Variants in CA5A observed in about 807,000 individuals in gnomAD.
CA5A encodes the protein carbonic anhydrase 5A, mitochondrial.
A neutral mutation model predicts 37.1 loss-of-function variants in CA5A; 28 were observed. That is an observed-to-expected ratio of 0.75 (90% confidence interval 0.56 to 1.03). CA5A has a LOEUF of 1.03. Among genes scored for constraint, CA5A ranks in the 50% least tolerant of loss-of-function variants. The probability of loss-of-function intolerance (pLI) is 0.00; values close to 1 mark genes in which losing one functional copy is unlikely to be tolerated. For missense variants in CA5A, 444 were observed against 399.9 expected, an observed-to-expected ratio of 1.11 and a Z score of -0.94; for synonymous variants, 171 against 158.4, an observed-to-expected ratio of 1.08 and a Z score of -0.60.
chr16:87,893,189 G>A (rs184470093), intron 5 of CA5A: 62 of 420,684 alleles, frequency 1.5e-4, no homozygotes, highest in African/African-American at 1.2e-3. Flanking sequence ...GTGCAGTGGT[G>A]CGATCTCAGC....
downstream of CA5A, chr16:87,883,450 T>A (rs1431502218): frequency 6.7e-6 from 1 of 149,472 alleles, no homozygotes; most frequent in Admixed American, 6.7e-5. Context: ...CCTGCCTCAG[T>A]CTCCCGAGTC....
At chr16:87,899,446 GCACCCGCC>G in intron 5 of CA5A, among the ~76,000 whole-genome samples, 1 of 150,598 alleles carries the variant, frequency 6.6e-6, no homozygotes, top group Non-Finnish European at 1.5e-5. Flanking sequence ...GGGATTACAG[GCACCCGCC>G]ACCACGCCTG....
At chr16:87,917,380 G>A (rs2056161105) in intron 2 of CA5A, among the ~76,000 whole-genome samples, 1 of 152,180 alleles carries the variant, frequency 6.6e-6, no homozygotes, top group Admixed American at 6.5e-5. Flanking sequence ...AGGAACAGTG[G>A]CTCCCCAGTG....
chr16:87,935,680 A>T (rs1270763177), intron 1 of CA5A, among the ~76,000 whole-genome samples: 1 of 151,862 alleles, frequency 6.6e-6, no homozygotes, highest in Non-Finnish European at 1.5e-5. Context: ...GTTCGAGACC[A>T]GCCTGGCCAA....
rs555248928 is a variant in CA5A at position 87,893,125 on chromosome 16, CCTTTCTTT to C, written c.619-1179_619-1172del. 48 of 523,262 alleles carry C rather than the reference CCTTTCTTT, an allele frequency of 9.2e-5. 1 individual carries two copies. The highest frequency in any genetic ancestry group is 4.8e-4 in the South Asian group (15 of 31,104). 32.4% of individuals were successfully genotyped at this position (523,262 alleles called of 1,614,324 possible). On this transcript the variant is annotated intron_variant, in intron 5 of 6. Transcript: ENST00000649794. Reference sequence around the variant, plus strand: ...GCCTAGAGACATTTCTTTCTTTCTTCCTTTCTTTCTTTCTTTCTTTCTTTTTTTTTTCA... The same window carrying C: ...GCCTAGAGACATTTCTTTCTTTCTTCCTTTCTTTCTTTCTTTTTTTTTTCA...
chr16:87,923,853 T>G (rs1236294108), intron 2 of CA5A: 10 of 984,154 alleles, frequency 1.0e-5, no homozygotes, highest in Non-Finnish European at 1.2e-5. Context: ...TGACAACTAT[T>G]GTTCTCAAAA....
rs150179798 is a variant in CA5A, at chr16:87,916,257, G to C, written c.340+10491C>G. ...GCACTTTGGGAGGCTGAGGTGGGTG[G>C]ATAGCTTGAGGTTGGGAGTTCGAGA... On this transcript the variant is annotated intron_variant, in intron 2 of 6. Coordinates refer to ENST00000649794, the MANE Select transcript of CA5A (RefSeq NM_001739.2). 1.1e-3 allele frequency among the ~76,000 whole-genome samples: 163 copies of C among 152,280 alleles called. 1 individual carries two copies. The highest frequency in any genetic ancestry group is 3.7e-3 in the African/African-American group (155 of 41,542).
chr16:87,906,505 T>C (rs2055963880), intron 2 of CA5A, among the ~76,000 whole-genome samples: 1 of 152,092 alleles, frequency 6.6e-6, no homozygotes, highest in Non-Finnish European at 1.5e-5. Flanking sequence ...CGGGTGCCTG[T>C]AATCCCAGCT....
intron 2 of CA5A, among the ~76,000 whole-genome samples, chr16:87,919,470 C>A (rs1264665106): frequency 6.6e-6 from 1 of 152,196 alleles, no homozygotes; most frequent in Non-Finnish European, 1.5e-5. Flanking sequence ...CCACTGGAAG[C>A]CAAGCCACAG....
chr16:87,905,490 C>G (rs2055947378), intron 2 of CA5A, among the ~76,000 whole-genome samples: 1 of 152,152 alleles, frequency 6.6e-6, no homozygotes, highest in Non-Finnish European at 1.5e-5. Context: ...TCCTGAGTAG[C>G]TGGGATTACA....
At chr16:87,885,899 C>G (rs2055644027), downstream of CA5A, 1 of 152,266 alleles carries the variant, frequency 6.6e-6, no homozygotes, top group South Asian at 2.1e-4. Context: ...CTCCTTCCAT[C>G]AGAATGTGAG....
At chr16:87,929,890 A>T (rs1226729790) in intron 1 of CA5A, among the ~76,000 whole-genome samples, 2 of 151,578 alleles carry the variant, frequency 1.3e-5, no homozygotes, top group African/African-American at 4.8e-5. Context: ...AAAAAAAAAA[A>T]AAAAAATAAG....
intron 2 of CA5A, among the ~76,000 whole-genome samples, chr16:87,909,692 C>A (rs1193124199): frequency 6.6e-6 from 1 of 152,208 alleles, no homozygotes; most frequent in South Asian, 2.1e-4. Flanking sequence ...ACACCTTGAG[C>A]CTCTTTCAAG....
intron 1 of CA5A, among the ~76,000 whole-genome samples, chr16:87,931,005 C>G (rs959894526): frequency 6.6e-6 from 1 of 151,794 alleles, no homozygotes; most frequent in African/African-American, 2.4e-5. Context: ...TCCCAAAGTG[C>G]TGGGATTATA....
At chr16:87,899,335 C>G (rs2055845073) in intron 5 of CA5A, among the ~76,000 whole-genome samples, 1 of 123,796 alleles carries the variant, frequency 8.1e-6, no homozygotes, top group African/African-American at 3.2e-5. Flanking sequence ...ATGAGTCTCG[C>G]TGTGTCACTC....
downstream of CA5A, chr16:87,883,276 G>C (rs1385025634): frequency 6.6e-6 from 1 of 151,014 alleles, no homozygotes; most frequent in Non-Finnish European, 1.5e-5. Flanking sequence ...GCCCACCTCA[G>C]CCTTCCAAAG....
At chr16:87,886,690 C>A (rs1397218907), downstream of CA5A, 1 of 152,032 alleles carries the variant, frequency 6.6e-6, no homozygotes, top group Non-Finnish European at 1.5e-5. Flanking sequence ...CATGGATCGA[C>A]TGATGAATTG....
At chr16:87,881,935 G>T (rs1410772195) in exon 5 of CA5A, 1 of 152,190 alleles carries the variant, frequency 6.6e-6, no homozygotes, top group African/African-American at 2.4e-5. Context: ...GGTGCAGAGG[G>T]CCCCCTGTGT....
At chr16:87,882,414 C>A (rs1227074269) in intron 4 of CA5A, 1 of 152,254 alleles carries the variant, frequency 6.6e-6, no homozygotes, top group Non-Finnish European at 1.5e-5. Context: ...CCTAGCGGGT[C>A]AGCGACAACT....
Sources: allele counts gnomAD v4.1 joint callset (sites outside exome capture counted in the v4.1 genomes callset), GRCh38; gene constraint gnomAD v4.1.1; transcripts MANE v1.5; gene names NCBI Gene and HGNC (gene_info 2026-07-23, HGNC 2026-07-21).